Variants in GABBR2 observed in about 807,000 individuals in gnomAD.
The protein encoded by GABBR2 is gamma-aminobutyric acid type B receptor subunit 2.
Under a neutral mutation model 105.6 loss-of-function variants are expected in GABBR2, and 23 were observed. That is an observed-to-expected ratio of 0.22 (90% CI 0.16 to 0.31). GABBR2 has a LOEUF of 0.31. Ranked by LOEUF, GABBR2 falls within the 10% of genes least tolerant of loss-of-function variation. The probability of loss-of-function intolerance (pLI) is 1.00; values close to 1 mark genes in which losing one functional copy is unlikely to be tolerated. For synonymous variants in GABBR2, 478 were observed against 499.7 expected (o/e 0.96, Z 0.58); for missense variants, 734 against 1,245.5 (o/e 0.59, Z 6.18).
chr9:98,659,526 C>CTTTTTT (rs149511264), intron 1 of GABBR2, among the ~76,000 whole-genome samples: 23 of 35,178 alleles, frequency 6.5e-4, no homozygotes, highest in African/African-American at 1.2e-3. Context: ...CTTTTCTTTT[C>CTTTTTT]TTTTTTTTTT....
intron 13 of GABBR2, among the ~76,000 whole-genome samples, chr9:98,354,268 C>T (rs1831449752): frequency 6.6e-6 from 1 of 152,166 alleles, no homozygotes; most frequent in South Asian, 2.1e-4. Flanking sequence ...AGATTTAGCA[C>T]AATTCTTCAG....
At chr9:98,605,359 C>A (rs1451234987) in intron 1 of GABBR2, among the ~76,000 whole-genome samples, 1 of 152,212 alleles carries the variant, frequency 6.6e-6, no homozygotes, top group African/African-American at 2.4e-5. Flanking sequence ...AGCTGCCATT[C>A]CCCAGGACGG....
At chr9:98,481,112 C>T in intron 4 of GABBR2, 115 bp from the exon 5 acceptor site, 1 of 752,602 alleles carries the variant, frequency 1.3e-6, no homozygotes, top group Non-Finnish European at 2.4e-6. Context: ...AGAGCTCTGC[C>T]TGGGAAGGTG....
Position 98,294,038 on chromosome 9 carries a change from T to C in GABBR2, c.2543-136A>G. On this transcript the variant is annotated intron_variant, in intron 17 of 18. Coordinates refer to ENST00000259455, the MANE Select transcript of GABBR2 (RefSeq NM_005458.8). Reference sequence around the variant, plus strand: ...CATTATCCCTCTGTGTTCTCTAAGCTGAGGTCTGTGTAGTGGCTCTCCCGG... The same window carrying C: ...CATTATCCCTCTGTGTTCTCTAAGCCGAGGTCTGTGTAGTGGCTCTCCCGG... 5 of 686,498 alleles carry C rather than the reference T, an allele frequency of 7.3e-6. 1 individual carries two copies. The highest frequency in any genetic ancestry group is 6.8e-5 in the South Asian group (4 of 59,168). The allele number at this position is 686,498 out of a possible 1,614,324, so 42.5% of individuals were successfully genotyped here.
At chr9:98,517,343 A>T (rs896048671) in intron 3 of GABBR2, among the ~76,000 whole-genome samples, 1 of 152,066 alleles carries the variant, frequency 6.6e-6, no homozygotes, top group Non-Finnish European at 1.5e-5. Flanking sequence ...GGCACTGGCT[A>T]ACAAATCTCC....
intron 10 of GABBR2, among the ~76,000 whole-genome samples, chr9:98,387,615 T>C (rs1045462698): frequency 1.3e-5 from 2 of 151,994 alleles, no homozygotes; most frequent in Non-Finnish European, 2.9e-5. Context: ...GCAACTGCTA[T>C]CAAAAAAAGC....
intron 3 of GABBR2, among the ~76,000 whole-genome samples, chr9:98,511,079 C>T (rs1827631285): frequency 6.6e-6 from 1 of 152,170 alleles, no homozygotes; most frequent in Admixed American, 6.5e-5. Context: ...TGCAATCAAA[C>T]TAGAACTCAG....
At chr9:98,525,772 A>G (rs1180880201) in intron 3 of GABBR2, among the ~76,000 whole-genome samples, 2 of 152,254 alleles carry the variant, frequency 1.3e-5, no homozygotes, top group African/African-American at 4.8e-5. Context: ...TGAAATGTCC[A>G]TCAACTGATG....
intron 4 of GABBR2, among the ~76,000 whole-genome samples, chr9:98,490,345 A>G (rs756110076): frequency 3.3e-5 from 5 of 152,156 alleles, no homozygotes; most frequent in Admixed American, 3.3e-4. Flanking sequence ...GATTTCTGTA[A>G]AAGTAGGGCA....
At chr9:98,529,934 C>T (rs569548963) in intron 3 of GABBR2, among the ~76,000 whole-genome samples, 5 of 152,314 alleles carry the variant, frequency 3.3e-5, no homozygotes, top group South Asian at 2.1e-4. Flanking sequence ...ATGGAGCTAT[C>T]GAGCCCCAAC....
At chr9:98,429,279 A>G (rs1825757677) in intron 7 of GABBR2, among the ~76,000 whole-genome samples, 1 of 151,954 alleles carries the variant, frequency 6.6e-6, no homozygotes, top group Admixed American at 6.6e-5. Context: ...AGCTGGGATC[A>G]CAGGCATGCA....
At chr9:98,550,003 G>T (rs576875779) in intron 2 of GABBR2, among the ~76,000 whole-genome samples, 1 of 152,186 alleles carries the variant, frequency 6.6e-6, no homozygotes, top group Non-Finnish European at 1.5e-5. Flanking sequence ...ACTATGAGTG[G>T]TTGCCTTGAA....
chr9:98,421,016 G>T (rs1159218799), intron 7 of GABBR2, among the ~76,000 whole-genome samples: 1 of 152,214 alleles, frequency 6.6e-6, no homozygotes, highest in Non-Finnish European at 1.5e-5. Flanking sequence ...AAGAGGAACA[G>T]ATGGTTTTGG....
intron 4 of GABBR2, among the ~76,000 whole-genome samples, chr9:98,491,307 T>C (rs1427216925): frequency 6.6e-6 from 1 of 152,222 alleles, no homozygotes; most frequent in Non-Finnish European, 1.5e-5. Flanking sequence ...GCTCAACCTT[T>C]TACCTTCAAC....
intron 3 of GABBR2, among the ~76,000 whole-genome samples, chr9:98,523,344 C>G (rs1827901408): frequency 1.3e-5 from 2 of 152,300 alleles, no homozygotes; most frequent in South Asian, 2.1e-4. Flanking sequence ...ATGGGATGCT[C>G]TACTGAAGAC....
intron 11 of GABBR2, among the ~76,000 whole-genome samples, chr9:98,385,132 T>G (rs1832048242): frequency 6.6e-6 from 1 of 152,198 alleles, no homozygotes; most frequent in Non-Finnish European, 1.5e-5. Flanking sequence ...TGGAAGATAA[T>G]ATTTTTCCCC....
At chr9:98,599,414 G>C (rs1236671834) in intron 1 of GABBR2, among the ~76,000 whole-genome samples, 3 of 152,306 alleles carry the variant, frequency 2.0e-5, no homozygotes, top group Non-Finnish European at 2.9e-5. Flanking sequence ...CATCACCTTG[G>C]GTCCTCTCAA....
intron 7 of GABBR2, among the ~76,000 whole-genome samples, chr9:98,451,095 C>T (rs1826221725): frequency 6.6e-6 from 1 of 152,104 alleles, no homozygotes; most frequent in South Asian, 2.1e-4. Context: ...AGTCTCAGTC[C>T]ATGAACTTGT....
intron 2 of GABBR2, among the ~76,000 whole-genome samples, chr9:98,558,033 CA>C (rs1396715162): frequency 2.6e-5 from 4 of 152,056 alleles, no homozygotes; most frequent in African/African-American, 4.8e-5. Flanking sequence ...TAAACAATTA[CA>C]GAATGAGTTA....
Sources: gnomAD v4.1 joint callset for allele counts (sites outside exome capture counted in the v4.1 genomes callset) on GRCh38, gnomAD v4.1.1 for gene constraint, MANE v1.5 for transcripts, NCBI Gene and HGNC (gene_info 2026-07-23, HGNC 2026-07-21) for gene names.